The following OTOG variants were observed in gnomAD, a reference collection of about 807,000 sequenced individuals.
The protein encoded by OTOG is otogelin.
A neutral mutation model predicts 313.8 loss-of-function variants in OTOG; 296 were observed. The observed-to-expected ratio is 0.94, with a 90% CI of 0.86 to 1.04. The LOEUF is 1.04. Ranked by LOEUF, OTOG falls within the 50% of genes least tolerant of loss-of-function variation. The probability of loss-of-function intolerance (pLI) is 0.00; values close to 1 mark genes in which losing one functional copy is unlikely to be tolerated. For synonymous variants in OTOG, 1,533 were observed against 1,554.9 expected (o/e 0.99, Z 0.33); for missense variants, 3,948 against 3,840.1 (o/e 1.03, Z -0.74).
Position 17,558,635 on chromosome 11 carries a change from A to T in OTOG, c.1094A>T (p.Asp365Val), listed in dbSNP as rs1226366766. 1.3e-6 allele frequency: 2 copies of T among 1,549,756 alleles called. No homozygotes were observed. Among genetic ancestry groups the T allele is most frequent in the Non-Finnish European group, 1.7e-6 (2 of 1,146,978 alleles). Residue 365 changes from aspartate to valine, a missense_variant, in exon 10 of 56, where the codon GAT becomes GTT. Asp to Val is a radical substitution (Grantham distance 152, BLOSUM62 -3). Coordinates refer to ENST00000399397, the MANE Select transcript of OTOG (RefSeq NM_001292063.2). Reference protein sequence around the residue: ...PLPFTASCTSDLCQSMGDVAT... With the variant: ...PLPFTASCTSVLCQSMGDVAT... ...CCCTTCACAGCCAGTTGTACCAGTG[A>T]TCTCTGCCAGTGAGTAGGGGTGGTG...
In OTOG at chr11:17,555,920, C is replaced by A. The variant is rs73418059; in HGVS notation, c.659+23C>A. 1.2e-3 allele frequency: 1,779 copies of A among 1,514,836 alleles called. 29 individuals are homozygous for A. The African/African-American group carries it at 0.022, about 19-fold the overall frequency. 93.8% of individuals were successfully genotyped at this position (1,514,836 alleles called of 1,614,324 possible). ...GAGGTAACTCTAACACCTTCCACAT[C>A]GAGCTGTCCTATCCCTGACACTGGT... is the stretch of plus-strand genomic sequence containing the variant. On this transcript the variant is annotated intron_variant, in intron 7 of 55. Coordinates refer to ENST00000399397, the MANE Select transcript of OTOG (RefSeq NM_001292063.2).
chr11:17,558,295 C>G lies in OTOG; in HGVS notation c.976C>G (p.Gln326Glu). 6.4e-7 allele frequency: 1 copy of G among 1,550,896 alleles called. No individual in the cohort carries two copies. Among genetic ancestry groups the G allele is most frequent in the South Asian group, 1.2e-5 (1 of 84,062 alleles). ...SSLPRPPCLQ[Q>E]NPGTMQGVYE... ...CCTGCCTCGCCCACCGTGCCTACAG[C>G]AGAACCCAGGAACCATGCAGGTCTG... The change falls in exon 9 of 56, where the codon CAG (glutamine) becomes GAG (glutamate). Residue 326 changes from glutamine (Q) to glutamate (E), a missense_variant. By Grantham distance (29) the Gln-to-Glu change is conservative. Coordinates refer to ENST00000399397, the MANE Select transcript of OTOG (RefSeq NM_001292063.2).
At chr11:17,593,536 C>T in intron 26 of OTOG, 74 bp from the exon 27 acceptor site, 1 of 1,524,838 alleles carries the variant, frequency 6.6e-7, no homozygotes. Flanking sequence ...TTGGTGAGGG[C>T]CTGGCTGCAG....
intron 27 of OTOG, 142 bp downstream of exon 27, chr11:17,593,898 C>A: frequency 7.2e-7 from 1 of 1,393,764 alleles, no homozygotes; most frequent in Non-Finnish European, 9.7e-7. Context: ...GGCCCCTTCT[C>A]CTCTGACATT....
In OTOG at chr11:17,594,073, C is replaced by T. The variant is rs1411859822; in HGVS notation, c.3315C>T (p.Asn1105=). 1.3e-6 allele frequency: 2 copies of T among 1,550,466 alleles called. No homozygotes were observed. Among genetic ancestry groups the T allele is most frequent in the African/African-American group, 1.4e-5 (1 of 73,046 alleles). ...GCCAGCTGGCGGGCCTCTGTGGGAA[C>T]TTTGACTTAAAAACCATCAATGAGA... ...WQGQLAGLCG[N]FDLKTINEMR... is the part of the protein sequence containing the mutation. The change falls in exon 28 of 56, where the codon AAC becomes AAT. Residue 1105 remains asparagine (N), a synonymous_variant. Coordinates refer to ENST00000399397, the MANE Select transcript of OTOG (RefSeq NM_001292063.2).
rs1172802848 is a variant in OTOG, at chr11:17,631,718, T to C, written c.6729T>C (p.Asp2243=). ...CCCTTTCAGGTATCTGTGATGGAGA[T>C]GCAGCCAATGACCTTACCCTGAAGG... is the stretch of plus-strand genomic sequence containing the variant. ...GHGLCGICDG[D]AANDLTLKDG... is the part of the protein sequence containing the mutation. Residue 2243 remains aspartate, a synonymous_variant, in exon 41 of 56, where the codon GAT becomes GAC. Coordinates refer to ENST00000399397, the MANE Select transcript of OTOG (RefSeq NM_001292063.2). The C allele has an allele frequency of 4.5e-6, 7 of 1,550,366 alleles. No homozygotes were observed. The highest frequency in any genetic ancestry group is 1.2e-5 in the South Asian group (1 of 84,054).
At chr11:17,548,348 T>C in intron 3 of OTOG, 136 bp downstream of exon 3, 1 of 644,496 alleles carries the variant, frequency 1.6e-6, no homozygotes, top group Non-Finnish European at 2.5e-6. Flanking sequence ...ATTCCTGGTA[T>C]GTGTCTGAGG....
chr11:17,580,103 G>C (rs1247490721), intron 23 of OTOG, among the ~76,000 whole-genome samples: 1 of 152,206 alleles, frequency 6.6e-6, no homozygotes, highest in Non-Finnish European at 1.5e-5. Context: ...CTGTGCATGA[G>C]AGTTCCGACT....
intron 39 of OTOG, among the ~76,000 whole-genome samples, chr11:17,618,803 C>T (rs1054066864): frequency 3.3e-5 from 5 of 152,124 alleles, no homozygotes; most frequent in Non-Finnish European, 7.4e-5. Flanking sequence ...AGGAAATGGC[C>T]ATTTTATCCT....
At chr11:17,588,553 G>A (rs1008055336) in intron 24 of OTOG, among the ~76,000 whole-genome samples, 14 of 152,146 alleles carry the variant, frequency 9.2e-5, no homozygotes, top group East Asian at 3.8e-4. Flanking sequence ...AGGAAGCCAC[G>A]TGGAGTCAGT....
chr11:17,591,373 A>G, intron 24 of OTOG, 77 bp from the exon 25 acceptor site: 2 of 1,516,192 alleles, frequency 1.3e-6, no homozygotes, highest in Non-Finnish European at 1.8e-6. Flanking sequence ...TGCATTCGAT[A>G]AGCCATGGCT....
chr11:17,609,500 G>T lies in OTOG; in HGVS notation c.4355-155G>T, dbSNP rs61880560. 5.3e-5 allele frequency among the ~76,000 whole-genome samples: 8 copies of T among 151,950 alleles called. No individual in the cohort carries two copies. In the East Asian group the frequency reaches 1.5e-3, roughly 29 times the overall value. The stretch of plus-strand genomic sequence containing the variant: ...GGGGTCAGGGTCTGACGTCTGGGGC[G>T]GAGTCCAGACCTGCTGACATCTGGC... On this transcript the variant is annotated intron_variant, in intron 35 of 55. Transcript: ENST00000399397.
intron 15 of OTOG, among the ~76,000 whole-genome samples, chr11:17,564,002 C>G (rs1429417250): frequency 1.3e-5 from 2 of 152,052 alleles, no homozygotes; most frequent in Non-Finnish European, 2.9e-5. Flanking sequence ...GGCCATCAGC[C>G]CTTCTCTCTA....
chr11:17,591,977 T>C (rs760657586), intron 25 of OTOG, among the ~76,000 whole-genome samples: 2 of 152,230 alleles, frequency 1.3e-5, no homozygotes, highest in South Asian at 2.1e-4. Context: ...ATGTTATAGA[T>C]GTAACAATTC....
chr11:17,563,107 G>A (rs896199247), intron 15 of OTOG, among the ~76,000 whole-genome samples: 1 of 152,210 alleles, frequency 6.6e-6, no homozygotes, highest in East Asian at 1.9e-4. Context: ...CTTGAACTGT[G>A]TCAATCACCT....
At chr11:17,631,501 C>T (rs553840574) in intron 40 of OTOG, among the ~76,000 whole-genome samples, 1 of 152,138 alleles carries the variant, frequency 6.6e-6, no homozygotes, top group African/African-American at 2.4e-5. Context: ...CCCCTAAATA[C>T]ATGTGTATTT....
In OTOG at chr11:17,548,165, G is replaced by A. The variant is rs1454958967; in HGVS notation, c.169G>A (p.Glu57Lys). 4 of 1,548,012 alleles carry A rather than the reference G, an allele frequency of 2.6e-6. No homozygotes were observed. Among genetic ancestry groups the A allele is most frequent in the Non-Finnish European group, 3.5e-6 (4 of 1,145,532 alleles). The change falls in exon 3 of 56, where the codon GAG becomes AAG. Residue 57 changes from glutamate to lysine, a missense_variant. Coordinates refer to ENST00000399397, the MANE Select transcript of OTOG (RefSeq NM_001292063.2). ...PAGQPSSSHQEATLAMGDKAT... is the reference protein window; with the variant it reads ...PAGQPSSSHQKATLAMGDKAT... ...TGTTTCCTCCAGCAGCAGCCACCAG[G>A]AGGCGACCCTTGCCATGGGGGACAA...
Position 17,605,941 on chromosome 11 carries a change from A to C in OTOG, c.3962A>C (p.Lys1321Thr). Residue 1321 changes from lysine to threonine, a missense_variant, in exon 33 of 56, where the codon AAG becomes ACG. Physicochemically the swap from Lys to Thr is moderately conservative, Grantham distance 78. Transcript: ENST00000399397. ...GCCAACGGGTCTCTGGAGCTGGCTAAGTGGCAGGGCCGTGACACCTTCCAA... is the reference window on the plus strand; with the variant it reads ...GCCAACGGGTCTCTGGAGCTGGCTACGTGGCAGGGCCGTGACACCTTCCAA... ...VTANGSLELA[K>T]WQGRDTFQQH... The C allele has an allele frequency of 6.4e-7, 1 of 1,550,592 alleles. No individual in the cohort carries two copies. Among genetic ancestry groups the C allele is most frequent in the Non-Finnish European group, 8.7e-7 (1 of 1,146,974 alleles).
rs990682744 is a variant in OTOG at position 17,558,134 on chromosome 11, A to G, written c.866-51A>G. Reference sequence around the variant, plus strand: ...TCCCTCAGAGCCTTCTGTCCCTCCCATCCACCCAACCCCATCGCTGCCCCA... The same window carrying G: ...TCCCTCAGAGCCTTCTGTCCCTCCCGTCCACCCAACCCCATCGCTGCCCCA... On this transcript the variant is annotated intron_variant, in intron 8 of 55. Transcript: ENST00000399397. 14 of 1,544,778 alleles carry G rather than the reference A, an allele frequency of 9.1e-6. No individual in the cohort carries two copies. The African/African-American group carries it at 1.5e-4, about 17-fold the overall frequency.
Sources: gnomAD v4.1 joint callset for allele counts (sites outside exome capture counted in the v4.1 genomes callset) on GRCh38, gnomAD v4.1.1 for gene constraint, MANE v1.5 for transcripts, NCBI Gene and HGNC (gene_info 2026-07-23, HGNC 2026-07-21) for gene names.